The following FAM133A variants were observed in gnomAD, a reference collection of about 807,000 sequenced individuals.
FAM133A encodes the protein family with sequence similarity 133 member A, also known as protein FAM133A.
For synonymous variants in FAM133A, 65 were observed against 58.6 expected (o/e 1.11, Z -0.50); for missense variants, 159 against 164.4 (o/e 0.97, Z 0.18).
At chrX:93,691,953 C>G (rs1415349303) in intron 2 of FAM133A, among the ~76,000 whole-genome samples, 1 of 110,998 alleles carries the variant, frequency 9.0e-6, no homozygotes, top group Admixed American at 9.6e-5. Context: ...ATCCAAAAGG[C>G]AGAGATTTTT....
rs146589605 is a variant in FAM133A at position 93,680,271 on chromosome X, A to G, written c.-193+5519A>G. Among the ~76,000 whole-genome samples the G allele has an allele frequency of 4.8e-3, 535 of 111,206 alleles. 2 individuals carry two copies. The highest frequency in any genetic ancestry group is 0.017 in the African/African-American group (522 of 30,531). ...TTTGTCTATGTTTCCACAAATGACA[A>G]GATTTCCCTTTTTAAAGTCTGATCA... On this transcript the variant is annotated intron_variant, in intron 2 of 3. Transcript: ENST00000683942.
At chrX:93,674,043 A>T (rs926012336), upstream of FAM133A, 2 of 107,196 alleles carry the variant, frequency 1.9e-5, no homozygotes, top group African/African-American at 6.8e-5. Context: ...AAATGGCGTC[A>T]TTGGGTAGTG....
At chrX:93,680,308 T>G (rs1416269340) in intron 2 of FAM133A, among the ~76,000 whole-genome samples, 1 of 111,624 alleles carries the variant, frequency 9.0e-6, no homozygotes, top group Non-Finnish European at 1.9e-5. Context: ...TACTTTACTG[T>G]GTATACATAC....
chrX:93,674,341 T>A (rs1924514910), intron 1 of FAM133A, 67 bp downstream of exon 1: 1 of 111,970 alleles, frequency 8.9e-6, no homozygotes, highest in Admixed American at 9.6e-5. Context: ...ACCCCAACCT[T>A]GCTGCTAACT....
At chrX:93,676,874 CTACTT>C (rs1229821570) in intron 2 of FAM133A, among the ~76,000 whole-genome samples, 1 of 109,621 alleles carries the variant, frequency 9.1e-6, no homozygotes, top group Admixed American at 9.7e-5. Flanking sequence ...TCACAATTCT[CTACTT>C]TAATTGTGTA....
rs1195998896 is a variant in FAM133A, at chrX:93,712,025, A to G, written c.*1859A>G. 1 of 123,257 alleles carries G rather than the reference A, an allele frequency of 8.1e-6. No homozygotes were observed. Among genetic ancestry groups the G allele is most frequent in the Non-Finnish European group, 1.9e-5 (1 of 53,251 alleles). 10.2% of individuals were successfully genotyped at this position (123,257 alleles called of 1,213,427 possible). ...GCAATGCCATTTGACTACTTCAAGC[A>G]GAGGGATTGTAAACAGAAGTGATTT... On this transcript the variant is annotated 3_prime_UTR_variant, in exon 4 of 4. Coordinates refer to ENST00000683942, the MANE Select transcript of FAM133A (RefSeq NM_001171109.2).
chrX:93,710,205 CCT>C lies in FAM133A; in HGVS notation c.*40_*41del, dbSNP rs911541951. 1.8e-6 allele frequency: 2 copies of C among 1,127,501 alleles called. No homozygotes were observed. The highest frequency in any genetic ancestry group is 2.3e-6 in the Non-Finnish European group (2 of 860,819). 92.9% of individuals were successfully genotyped at this position (1,127,501 alleles called of 1,213,427 possible). ...AGCAAGAATGAGTTTGCCGAGTTCC[CCT>C]GTGTTAGTAGAATTATTTCTGGACT... On this transcript the variant is annotated 3_prime_UTR_variant, in exon 4 of 4. Transcript: ENST00000683942.
intron 2 of FAM133A, among the ~76,000 whole-genome samples, chrX:93,681,151 T>C (rs1259790577): frequency 9.0e-6 from 1 of 111,226 alleles, no homozygotes; most frequent in African/African-American, 3.3e-5. Context: ...TGAAAGTATT[T>C]TATTTAATTT....
intron 2 of FAM133A, among the ~76,000 whole-genome samples, chrX:93,679,406 G>T (rs1183968365): frequency 9.0e-6 from 1 of 111,070 alleles, no homozygotes; most frequent in Non-Finnish European, 1.9e-5. Context: ...ATGGTATGTT[G>T]TTATAGATTT....
At chrX:93,702,064 C>G (rs977236964) in intron 3 of FAM133A, among the ~76,000 whole-genome samples, 1 of 111,682 alleles carries the variant, frequency 9.0e-6, no homozygotes, top group African/African-American at 3.3e-5. Flanking sequence ...TAATTCCTGT[C>G]GCGTGCAAAG....
intron 2 of FAM133A, among the ~76,000 whole-genome samples, chrX:93,696,703 G>C (rs980705149): frequency 9.0e-6 from 1 of 110,935 alleles, no homozygotes; most frequent in Non-Finnish European, 1.9e-5. Context: ...GGGGGATCTC[G>C]AGGTCAGGAG....
chrX:93,692,369 G>A (rs73635254), intron 2 of FAM133A, among the ~76,000 whole-genome samples: 378 of 111,564 alleles, frequency 3.4e-3, no homozygotes, highest in African/African-American at 0.012. Flanking sequence ...GTATTTTTAT[G>A]AGAATTTATG....
intron 2 of FAM133A, among the ~76,000 whole-genome samples, chrX:93,688,164 C>T (rs773281078): frequency 1.9e-5 from 2 of 102,686 alleles, no homozygotes; most frequent in Non-Finnish European, 4.0e-5. Context: ...TTTTTTTTGG[C>T]GGAGGGATAT....
At chrX:93,702,567 A>G (rs939502277) in intron 3 of FAM133A, among the ~76,000 whole-genome samples, 27 of 110,999 alleles carry the variant, frequency 2.4e-4, no homozygotes, top group African/African-American at 8.5e-4. Flanking sequence ...TTATGTAGGC[A>G]TACCACCATC....
intron 2 of FAM133A, among the ~76,000 whole-genome samples, chrX:93,685,397 T>A (rs1192157317): frequency 8.9e-6 from 1 of 111,841 alleles, no homozygotes; most frequent in Non-Finnish European, 1.9e-5. Context: ...AATTTCAACC[T>A]ATAAAATATT....
rs1927436429 is a variant in FAM133A at position 93,711,380 on chromosome X, A to G, written c.*1214A>G. The stretch of plus-strand genomic sequence containing the variant: ...GTTAAATGTAGATGATAATGACATC[A>G]TTGATCTTCCTGTGTCCGTATTTTC... On this transcript the variant is annotated 3_prime_UTR_variant, in exon 4 of 4. Transcript: ENST00000683942. 1 of 122,799 alleles carries G rather than the reference A, an allele frequency of 8.1e-6. No individual in the cohort carries two copies. Among genetic ancestry groups the G allele is most frequent in the Admixed American group, 9.6e-5 (1 of 10,426 alleles). 10.1% of individuals were successfully genotyped at this position (122,799 alleles called of 1,213,427 possible).
intron 2 of FAM133A, among the ~76,000 whole-genome samples, chrX:93,677,085 T>C (rs1049397711): frequency 3.6e-5 from 4 of 111,291 alleles, no homozygotes; most frequent in African/African-American, 1.3e-4. Flanking sequence ...TATGCTTGTT[T>C]TTCTTAATAA....
intron 3 of FAM133A, among the ~76,000 whole-genome samples, chrX:93,705,197 G>T (rs183715591): frequency 1.8e-5 from 2 of 111,593 alleles, no homozygotes; most frequent in East Asian, 5.6e-4. Flanking sequence ...AAAGGGAATT[G>T]TAAGAATCAA....
At chrX:93,689,538 T>A (rs971476552) in intron 2 of FAM133A, among the ~76,000 whole-genome samples, 4 of 111,779 alleles carry the variant, frequency 3.6e-5, no homozygotes, top group Admixed American at 2.9e-4. Context: ...ATAAATTTGT[T>A]TTTTTAAATA....
Sources: allele counts gnomAD v4.1 joint callset (sites outside exome capture counted in the v4.1 genomes callset), GRCh38; gene constraint gnomAD v4.1.1; transcripts MANE v1.5; gene names NCBI Gene and HGNC (gene_info 2026-07-23, HGNC 2026-07-21).